VWA8: variants seen among roughly 807,000 people sequenced by gnomAD.
VWA8 encodes the protein von Willebrand factor A domain containing 8, also known as von Willebrand factor A domain-containing protein 8.
In VWA8, 221 loss-of-function variants were observed where a neutral mutation model predicts 241.5. The ratio of observed to expected loss-of-function variants is 0.91; its 90% CI spans 0.82 to 1.02. The LOEUF (loss-of-function observed/expected upper bound fraction) is 1.02, where lower values mean the gene tolerates loss of function less well. VWA8 is among the 50% of genes least tolerant of loss of function. VWA8 has a pLI of 0.00. For synonymous variants in VWA8, 852 were observed against 827.1 expected, an observed-to-expected ratio of 1.03 and a Z score of -0.52; for missense variants, 2,322 against 2,328.7, an observed-to-expected ratio of 1.00 and a Z score of 0.06.
chr13:41,725,752 G>A (rs9590633), intron 24 of VWA8, among the ~76,000 whole-genome samples: 41,602 of 151,888 alleles, frequency 0.27, 6,254 homozygotes, highest in Non-Finnish European at 0.33. Flanking sequence ...AGTGGCTTGG[G>A]GTATAAGGGG....
chr13:41,667,881 A>G (rs1340800408), intron 37 of VWA8, among the ~76,000 whole-genome samples: 2 of 152,208 alleles, frequency 1.3e-5, no homozygotes, highest in Non-Finnish European at 2.9e-5. Flanking sequence ...TGTTATGGTT[A>G]TTTATTATAG....
At chr13:41,885,873 A>C in intron 8 of VWA8, 47 bp downstream of exon 8, 1 of 1,389,402 alleles carries the variant, frequency 7.2e-7, no homozygotes, top group Non-Finnish European at 9.8e-7. Flanking sequence ...AACTTTCAAA[A>C]TTTTTAACAT....
chr13:41,748,176 C>T (rs1224715778), intron 21 of VWA8, among the ~76,000 whole-genome samples: 1 of 152,174 alleles, frequency 6.6e-6, no homozygotes, highest in Non-Finnish European at 1.5e-5. Flanking sequence ...AGGAATGGTA[C>T]CAGCTCCTCC....
intron 37 of VWA8, among the ~76,000 whole-genome samples, chr13:41,658,184 C>T (rs533105873): frequency 2.0e-5 from 3 of 152,320 alleles, no homozygotes; most frequent in African/African-American, 7.2e-5. Context: ...TTTAGCTGGG[C>T]ACAGTCACTT....
chr13:41,755,939 C>T (rs891006437), intron 21 of VWA8, among the ~76,000 whole-genome samples: 5 of 151,274 alleles, frequency 3.3e-5, no homozygotes, highest in African/African-American at 4.9e-5. Context: ...CACGTGAAAT[C>T]GAACGAAAAC....
At chr13:41,788,411 A>G (rs983983645) in intron 17 of VWA8, among the ~76,000 whole-genome samples, 10 of 152,234 alleles carry the variant, frequency 6.6e-5, no homozygotes, top group Admixed American at 1.3e-4. Context: ...GGCAGCAAAT[A>G]GACAAGCATG....
At chr13:41,880,316 T>A (rs1380050177) in intron 9 of VWA8, among the ~76,000 whole-genome samples, 3 of 152,190 alleles carry the variant, frequency 2.0e-5, no homozygotes, top group Non-Finnish European at 4.4e-5. Flanking sequence ...TTTTATCAGT[T>A]ATCTTTATCT....
At chr13:41,784,839 T>G (rs1422660200) in intron 18 of VWA8, among the ~76,000 whole-genome samples, 1 of 149,410 alleles carries the variant, frequency 6.7e-6, no homozygotes, top group Non-Finnish European at 1.5e-5. Context: ...GAGGCCTATA[T>G]TTTCAAATAA....
chr13:41,756,518 T>G (rs2045695911), intron 21 of VWA8, among the ~76,000 whole-genome samples: 1 of 151,768 alleles, frequency 6.6e-6, no homozygotes, highest in Non-Finnish European at 1.5e-5. Flanking sequence ...TCTTGAGAGC[T>G]GATTTTAATT....
At chr13:41,942,446 C>T (rs1192940678) in intron 2 of VWA8, among the ~76,000 whole-genome samples, 2 of 152,030 alleles carry the variant, frequency 1.3e-5, no homozygotes, top group African/African-American at 4.8e-5. Flanking sequence ...AGAATAGACC[C>T]GCAGCTAACT....
intron 24 of VWA8, among the ~76,000 whole-genome samples, chr13:41,726,278 T>C (rs1054259637): frequency 3.9e-5 from 6 of 152,228 alleles, no homozygotes; most frequent in Non-Finnish European, 2.9e-5. Context: ...TAAACAATGC[T>C]ATAGTGCCTA....
chr13:41,631,062 C>G (rs2044723361), intron 37 of VWA8, among the ~76,000 whole-genome samples: 1 of 152,120 alleles, frequency 6.6e-6, no homozygotes, highest in African/African-American at 2.4e-5. Flanking sequence ...CTCTGTCACT[C>G]AGGCTGGAGT....
intron 12 of VWA8, among the ~76,000 whole-genome samples, chr13:41,849,359 A>G (rs1872425903): frequency 6.6e-6 from 1 of 152,252 alleles, no homozygotes; most frequent in South Asian, 2.1e-4. Flanking sequence ...TGTAAATTTT[A>G]AAATCAAATC....
At chr13:41,789,964 C>T (rs986715387) in intron 17 of VWA8, among the ~76,000 whole-genome samples, 2 of 152,022 alleles carry the variant, frequency 1.3e-5, no homozygotes, top group Non-Finnish European at 2.9e-5. Context: ...TTGAGACATC[C>T]AAAGTATGTA....
chr13:41,777,757 G>GT (rs1350638071), intron 20 of VWA8, among the ~76,000 whole-genome samples: 4 of 152,164 alleles, frequency 2.6e-5, no homozygotes, highest in African/African-American at 9.7e-5. Context: ...GACAAGAAGA[G>GT]TAGATACTTA....
intron 13 of VWA8, among the ~76,000 whole-genome samples, chr13:41,831,926 A>G (rs1653124773): frequency 6.8e-6 from 1 of 146,524 alleles, no homozygotes; most frequent in Non-Finnish European, 1.5e-5. Flanking sequence ...GGCCCGCATC[A>G]GCATTTTTTT....
chr13:41,900,435 A>G (rs1276251677), intron 4 of VWA8, among the ~76,000 whole-genome samples: 1 of 152,224 alleles, frequency 6.6e-6, no homozygotes, highest in African/African-American at 2.4e-5. Context: ...AAAATGCAGC[A>G]GGATCCTTCT....
intron 42 of VWA8, among the ~76,000 whole-genome samples, chr13:41,582,218 A>G (rs747884687): frequency 1.3e-5 from 2 of 152,164 alleles, no homozygotes; most frequent in Non-Finnish European, 2.9e-5. Flanking sequence ...CTTCTCAGTA[A>G]TTCTTGCTCT....
intron 28 of VWA8, 83 bp downstream of exon 28, chr13:41,701,309 T>G: frequency 6.9e-7 from 1 of 1,444,352 alleles, no homozygotes; most frequent in Non-Finnish European, 9.1e-7. Context: ...ATCATAAACT[T>G]TTTGATGTCT....
Sources: allele counts gnomAD v4.1 joint callset (sites outside exome capture counted in the v4.1 genomes callset), GRCh38; gene constraint gnomAD v4.1.1; transcripts MANE v1.5; gene names NCBI Gene and HGNC (gene_info 2026-07-23, HGNC 2026-07-21).